PDE4B: variants seen among roughly 807,000 people sequenced by gnomAD.
The protein encoded by PDE4B is phosphodiesterase 4B, also known as 3',5'-cyclic-AMP phosphodiesterase 4B.
PDE4B carries 20 observed loss-of-function variants against 82.2 expected under a neutral mutation model. The observed-to-expected ratio is 0.24, with a 90% confidence interval of 0.17 to 0.35. The LOEUF is 0.35. PDE4B is among the 10% of genes least tolerant of loss of function. The pLI, the probability that PDE4B is intolerant of heterozygous loss-of-function variation, is 1.00. For synonymous variants in PDE4B, 320 were observed against 318.9 expected (o/e 1.00, Z -0.04); for missense variants, 655 against 907.2 (o/e 0.72, Z 3.57).
chr1:66,181,042 C>T (rs1256902396), intron 3 of PDE4B, among the ~76,000 whole-genome samples: 1 of 152,112 alleles, frequency 6.6e-6, no homozygotes, highest in Non-Finnish European at 1.5e-5. Flanking sequence ...AAGCTGGGTA[C>T]AAATCTGCAT....
At chr1:66,266,779 A>C in intron 7 of PDE4B, 1 of 478,446 alleles carries the variant, frequency 2.1e-6, no homozygotes, top group Non-Finnish European at 4.3e-6. Context: ...TTCACACAAA[A>C]TGCAACCAGT....
chr1:65,974,915 C>T (rs569709786), intron 3 of PDE4B, among the ~76,000 whole-genome samples: 28 of 152,216 alleles, frequency 1.8e-4, no homozygotes, highest in Non-Finnish European at 3.5e-4. Context: ...TTTATAGCAG[C>T]ATAAGAACAG....
At chr1:66,052,477 G>A (rs564193844) in intron 3 of PDE4B, among the ~76,000 whole-genome samples, 3 of 151,532 alleles carry the variant, frequency 2.0e-5, no homozygotes, top group Non-Finnish European at 4.4e-5. Flanking sequence ...GGGCTAAGAG[G>A]ACTCTTTCAA....
chr1:65,935,210 A>C (rs1333030323), intron 3 of PDE4B, among the ~76,000 whole-genome samples: 1 of 152,146 alleles, frequency 6.6e-6, no homozygotes, highest in African/African-American at 2.4e-5. Flanking sequence ...CAGAAGGAAA[A>C]CTGGAAAATT....
chr1:66,045,350 A>G (rs1654642080), intron 3 of PDE4B, among the ~76,000 whole-genome samples: 1 of 151,600 alleles, frequency 6.6e-6, no homozygotes. Flanking sequence ...TTGAAGTCTA[A>G]TCTAACTCCT....
rs890273509 is a variant in PDE4B, at chr1:66,102,149, G to A, written c.282-145311G>A. Among the ~76,000 whole-genome samples, 4 of 152,052 alleles carry A rather than the reference G, an allele frequency of 2.6e-5. No homozygotes were observed. In the East Asian group the frequency reaches 7.7e-4, roughly 29 times the overall value. ...CCAAAGACCAGTTGTTTGTAGATGTGTGGTACTATTTCTGAGGCCTCTATT... is the reference window on the plus strand; with the variant it reads ...CCAAAGACCAGTTGTTTGTAGATGTATGGTACTATTTCTGAGGCCTCTATT... On this transcript the variant is annotated intron_variant, in intron 3 of 16. Coordinates refer to ENST00000341517, the MANE Select transcript of PDE4B (RefSeq NM_002600.4).
At chr1:66,237,347 C>T (rs1051976158) in intron 3 of PDE4B, among the ~76,000 whole-genome samples, 1 of 152,186 alleles carries the variant, frequency 6.6e-6, no homozygotes, top group African/African-American at 2.4e-5. Context: ...TACAGCAAAC[C>T]ATAATGCCAT....
At chr1:65,969,979 C>T (rs1280339657) in intron 3 of PDE4B, among the ~76,000 whole-genome samples, 2 of 152,044 alleles carry the variant, frequency 1.3e-5, no homozygotes, top group African/African-American at 4.8e-5. Flanking sequence ...AAATATCAAT[C>T]TCAAAAGTTC....
At chr1:65,989,647 G>A (rs1183939455) in intron 3 of PDE4B, among the ~76,000 whole-genome samples, 1 of 152,094 alleles carries the variant, frequency 6.6e-6, no homozygotes, top group Non-Finnish European at 1.5e-5. Context: ...AAGGGCTAAG[G>A]GTTATACATG....
intron 7 of PDE4B, among the ~76,000 whole-genome samples, chr1:66,278,620 A>G (rs1277269053): frequency 6.6e-6 from 1 of 152,256 alleles, no homozygotes; most frequent in Non-Finnish European, 1.5e-5. Flanking sequence ...AGGGCCTCAA[A>G]GGAACAAGGG....
intron 7 of PDE4B, among the ~76,000 whole-genome samples, chr1:66,328,763 G>A (rs2101906769): frequency 6.6e-6 from 1 of 152,284 alleles, no homozygotes; most frequent in South Asian, 2.1e-4. Flanking sequence ...CAGGGTATAG[G>A]CACAGGGAGG....
chr1:65,803,775 C>T (rs1442786890), intron 1 of PDE4B, among the ~76,000 whole-genome samples: 1 of 152,180 alleles, frequency 6.6e-6, no homozygotes, highest in Non-Finnish European at 1.5e-5. Context: ...CTAAAAAAAT[C>T]TTCAATAAAG....
chr1:66,027,266 A>C (rs1653495808), intron 3 of PDE4B, among the ~76,000 whole-genome samples: 1 of 152,172 alleles, frequency 6.6e-6, no homozygotes. Flanking sequence ...AAAAATGAGG[A>C]AGAAGCAAAA....
At chr1:65,890,798 A>T (rs141594560) in intron 1 of PDE4B, among the ~76,000 whole-genome samples, 1 of 152,034 alleles carries the variant, frequency 6.6e-6, no homozygotes, top group Non-Finnish European at 1.5e-5. Flanking sequence ...CTGCAGTTCT[A>T]TATCCTCAGT....
At chr1:66,143,703 G>T (rs1557591448) in intron 3 of PDE4B, among the ~76,000 whole-genome samples, 1 of 152,168 alleles carries the variant, frequency 6.6e-6, no homozygotes, top group African/African-American at 2.4e-5. Flanking sequence ...CATAGTTTAG[G>T]CCATTGAGAC....
Position 66,291,115 on chromosome 1 carries a change from G to A in PDE4B, c.634+25028G>A, listed in dbSNP as rs79899417. 5.0e-3 allele frequency among the ~76,000 whole-genome samples: 759 copies of A among 152,222 alleles called. 6 individuals carry two copies. The highest frequency in any genetic ancestry group is 0.017 in the African/African-American group (724 of 41,554). On this transcript the variant is annotated intron_variant, in intron 7 of 16. Coordinates refer to ENST00000341517, the MANE Select transcript of PDE4B (RefSeq NM_002600.4). ...GAAAGCTTTAGGTTGACAACAAATA[G>A]CAATAGCTAACATTTACTGAGCATG...
At chr1:66,315,424 T>C (rs1005749133) in intron 7 of PDE4B, among the ~76,000 whole-genome samples, 13 of 152,228 alleles carry the variant, frequency 8.5e-5, no homozygotes, top group African/African-American at 2.9e-4. Flanking sequence ...AGGCAAATGT[T>C]TATTTATTTT....
At chr1:65,836,205 G>T (rs1307659305) in intron 1 of PDE4B, among the ~76,000 whole-genome samples, 1 of 152,132 alleles carries the variant, frequency 6.6e-6, no homozygotes, top group African/African-American at 2.4e-5. Context: ...GCCTCCCATG[G>T]TGCTGGGATT....
At chr1:66,288,584 T>C (rs570396159) in intron 7 of PDE4B, among the ~76,000 whole-genome samples, 1 of 152,248 alleles carries the variant, frequency 6.6e-6, no homozygotes, top group African/African-American at 2.4e-5. Flanking sequence ...TTGACCCCCA[T>C]TTCCTAAACT....
Sources: allele counts gnomAD v4.1 joint callset (sites outside exome capture counted in the v4.1 genomes callset), GRCh38; gene constraint gnomAD v4.1.1; transcripts MANE v1.5; gene names NCBI Gene and HGNC (gene_info 2026-07-23, HGNC 2026-07-21).